IDI1: variants seen among roughly 807,000 people sequenced by gnomAD.
IDI1 encodes the protein isopentenyl-diphosphate delta isomerase 1.
In IDI1, 23 loss-of-function variants were observed where a neutral mutation model predicts 32.9. That is an observed-to-expected ratio of 0.70 (90% CI 0.50 to 0.99). The LOEUF (loss-of-function observed/expected upper bound fraction) is 0.99. IDI1 is among the 50% of genes least tolerant of loss of function. The pLI is 0.00. For synonymous variants in IDI1, 133 were observed against 128.2 expected (o/e 1.04, Z -0.25); for missense variants, 326 against 351.9 (o/e 0.93, Z 0.59).
Position 1,044,103 on chromosome 10 carries a change from T to C in IDI1, c.209A>G (p.Gln70Arg), listed in dbSNP as rs373579438. Residue 70 changes from glutamine to arginine, a missense_variant, in exon 2 of 5, where the codon CAG becomes CGG. By Grantham distance (43) the Gln-to-Arg change is conservative. Around this residue, in one of 2 missense-constraint regions of IDI1, gnomAD observed 205 missense variants for 273.5 expected, o/e 0.75. Transcript: ENST00000381344. The part of the protein sequence containing the change: ...EINTNHLDKQ[Q>R]VQLLAEMCIL... ...ACACATCTCTGCCAGGAGTTGAACC[T>C]GTTGCTTGTCGAGGTGGTTAGTGTT... 2 of 1,613,720 alleles carry C rather than the reference T, an allele frequency of 1.2e-6. No individual in the cohort carries two copies. The highest frequency in any genetic ancestry group is 2.7e-5 in the African/African-American group (2 of 74,944).
At chr10:1,039,404 A>G (rs1239341542), downstream of IDI1, 2 of 152,276 alleles carry the variant, frequency 1.3e-5, no homozygotes, top group South Asian at 2.1e-4. Flanking sequence ...TTGTCCTTAA[A>G]GGAGTTGGCA....
chr10:1,050,398 T>C (rs1407376513), upstream of IDI1, among the ~76,000 whole-genome samples: 1 of 152,110 alleles, frequency 6.6e-6, no homozygotes, highest in Non-Finnish European at 1.5e-5. Flanking sequence ...ATCAGGACTT[T>C]TAAGTGAAAC....
rs1324760002 is a variant in IDI1, at chr10:1,041,265, C to T, written c.777G>A (p.Ala259=). 28 of 1,613,028 alleles carry T rather than the reference C, an allele frequency of 1.7e-5. No individual in the cohort carries two copies. Among genetic ancestry groups the T allele is most frequent in the African/African-American group, 2.7e-5 (2 of 74,864 alleles). ...KITPWFKIIA[A]TFLFKWWDNL... is the part of the protein sequence containing the mutation. The stretch of plus-strand genomic sequence containing the variant: ...TATCCCACCATTTAAAGAGAAAAGT[C>T]GCTGCAATAATTTTAAACCATGGCG... The change falls in exon 5 of 5, where the codon GCG becomes GCA. Residue 259 remains alanine, a synonymous_variant. Transcript: ENST00000381344.
At chr10:1,045,283 C>T (rs1470784362) in intron 1 of IDI1, among the ~76,000 whole-genome samples, 1 of 152,238 alleles carries the variant, frequency 6.6e-6, no homozygotes, top group Non-Finnish European at 1.5e-5. Context: ...GCTTTCTAAT[C>T]TTTGTATCCT....
upstream of IDI1, among the ~76,000 whole-genome samples, chr10:1,050,028 G>T (rs1213509043): frequency 6.6e-6 from 1 of 152,182 alleles, no homozygotes; most frequent in African/African-American, 2.4e-5. Flanking sequence ...CTTTTGTGTG[G>T]AATTTAAAAT....
upstream of IDI1, among the ~76,000 whole-genome samples, chr10:1,049,344 C>T (rs1832918475): frequency 2.6e-5 from 4 of 152,204 alleles, no homozygotes; most frequent in South Asian, 8.3e-4. Flanking sequence ...TCCGAAAGCG[C>T]CCGGGCGCCA....
chr10:1,044,411 G>A (rs959800887), intron 1 of IDI1, among the ~76,000 whole-genome samples: 4 of 152,072 alleles, frequency 2.6e-5, no homozygotes, highest in African/African-American at 7.2e-5. Context: ...TCAACGTTCC[G>A]CTCTAAATTC....
At chr10:1,046,139 C>G (rs2131580658) in intron 1 of IDI1, among the ~76,000 whole-genome samples, 1 of 152,282 alleles carries the variant, frequency 6.6e-6, no homozygotes, top group Middle Eastern at 3.4e-3. Flanking sequence ...TTTGAGGATG[C>G]TGAAGTTTCA....
upstream of IDI1, among the ~76,000 whole-genome samples, chr10:1,053,037 A>T (rs893711330): frequency 6.6e-6 from 1 of 151,424 alleles, no homozygotes; most frequent in African/African-American, 2.4e-5. Flanking sequence ...ATGGAGTCTC[A>T]CTCTGTTACC....
Position 1,041,351 on chromosome 10 carries a change from C to T in IDI1, c.691G>A (p.Val231Met), listed in dbSNP as rs1832576628. 3.7e-6 allele frequency: 6 copies of T among 1,613,764 alleles called. No homozygotes were observed. In the East Asian group the frequency reaches 1.3e-4, roughly 36 times the overall value. ...DPNEIKSYCY[V>M]SKEELKELLK... The stretch of plus-strand genomic sequence containing the variant: ...AGTTCTTTTAGTTCTTCCTTTGACA[C>T]ATAACAATAGCTTTTAATCTCATTG... The change falls in exon 5 of 5, where the codon GTG becomes ATG. Residue 231 changes from valine to methionine, a missense_variant. By Grantham distance (21) the Val-to-Met change is conservative. Coordinates refer to ENST00000381344, the MANE Select transcript of IDI1 (RefSeq NM_004508.4).
rs1832562508 is a variant in IDI1, at chr10:1,041,071, C to T, written c.*116G>A. On this transcript the variant is annotated 3_prime_UTR_variant, in exon 5 of 5. Transcript: ENST00000381344. ...TGTATATAATACATTAATGATAGTA[C>T]CAAATGATAGAACTAAATTTAATGA... The T allele has an allele frequency of 1.5e-6, 1 of 663,628 alleles. No individual in the cohort carries two copies. The highest frequency in any genetic ancestry group is 2.5e-6 in the Non-Finnish European group (1 of 395,096). 41.1% of individuals were successfully genotyped at this position (663,628 alleles called of 1,614,324 possible). A position where few individuals can be genotyped will look rare whatever the true frequency, so the allele number is the denominator to read the frequency against.
chr10:1,054,044 G>GC (rs1255891547), upstream of IDI1, among the ~76,000 whole-genome samples: 1 of 152,102 alleles, frequency 6.6e-6, no homozygotes. Flanking sequence ...GGTTCATGGT[G>GC]CCCCCCAAGC....
intron 2 of IDI1, 87 bp from the exon 3 acceptor site, chr10:1,043,480 T>C (rs1158967396): frequency 2.4e-6 from 2 of 826,084 alleles, no homozygotes; most frequent in African/African-American, 3.3e-5. Flanking sequence ...ATAACATTAG[T>C]AACTTGCTGC....
intron 1 of IDI1, among the ~76,000 whole-genome samples, chr10:1,048,082 C>T (rs1230743327): frequency 6.6e-6 from 1 of 152,044 alleles, no homozygotes; most frequent in African/African-American, 2.4e-5. Flanking sequence ...AGTGCAGTGG[C>T]GCGATCTCGG....
intron 4 of IDI1, among the ~76,000 whole-genome samples, chr10:1,041,998 G>C (rs1415532481): frequency 6.6e-6 from 1 of 151,806 alleles, no homozygotes; most frequent in East Asian, 1.9e-4. Context: ...TAGTAGAGAC[G>C]GAGTTTCACC....
intron 1 of IDI1, among the ~76,000 whole-genome samples, chr10:1,046,440 C>T (rs1443974281): frequency 1.3e-5 from 2 of 152,150 alleles, no homozygotes; most frequent in African/African-American, 4.8e-5. Context: ...CCTGAAGCAA[C>T]AGGAAAAACA....
rs772197426 is a variant in IDI1 at position 1,041,158 on chromosome 10, A to G, written c.*29T>C. On this transcript the variant is annotated 3_prime_UTR_variant, in exon 5 of 5. Coordinates refer to ENST00000381344, the MANE Select transcript of IDI1 (RefSeq NM_004508.4). ...TCATTCTAAGTTTGTTAAGCAGATAAATTTTTCTGTAATCATTTACCTACA... is the reference window on the plus strand; with the variant it reads ...TCATTCTAAGTTTGTTAAGCAGATAGATTTTTCTGTAATCATTTACCTACA... The G allele has an allele frequency of 1.0e-4, 133 of 1,310,522 alleles. No individual in the cohort carries two copies. Among genetic ancestry groups the G allele is most frequent in the Non-Finnish European group, 1.3e-4 (123 of 939,198 alleles). 81.2% of individuals were successfully genotyped at this position (1,310,522 alleles called of 1,614,324 possible). A position where few individuals can be genotyped will look rare whatever the true frequency, so the allele number is the denominator to read the frequency against.
At chr10:1,045,864 T>TGG (rs1429485861) in intron 1 of IDI1, among the ~76,000 whole-genome samples, 38 of 114,864 alleles carry the variant, frequency 3.3e-4, no homozygotes, top group African/African-American at 8.2e-4. Flanking sequence ...ACATAGGGTC[T>TGG]GGGTGTGTGT....
At chr10:1,041,626 TGG>T (rs200068259) in intron 4 of IDI1, 122 bp from the exon 5 acceptor site, 10,347 of 518,124 alleles carry the variant, frequency 0.02, 641 homozygotes, top group African/African-American at 0.15. Context: ...GATTAGAACT[TGG>T]TTAAAGCATT....
Sources: allele counts gnomAD v4.1 joint callset (sites outside exome capture counted in the v4.1 genomes callset), GRCh38; gene constraint gnomAD v4.1.1; regional missense constraint gnomAD v4.1.1; transcripts MANE v1.5; gene names NCBI Gene and HGNC (gene_info 2026-07-23, HGNC 2026-07-21).